The following STXBP5 variants were observed in gnomAD, a reference collection of about 807,000 sequenced individuals.
STXBP5 encodes the protein syntaxin-binding protein 5.
A neutral mutation model predicts 152.4 loss-of-function variants in STXBP5; 50 were observed. The ratio of observed to expected loss-of-function variants is 0.33; its 90% CI spans 0.26 to 0.42. STXBP5 has a LOEUF of 0.42. Ranked by LOEUF, STXBP5 falls within the 10% of genes least tolerant of loss-of-function variation. The probability of loss-of-function intolerance (pLI) is 1.00; values close to 1 mark genes in which losing one functional copy is unlikely to be tolerated. For missense variants in STXBP5, 1,167 were observed against 1,388.6 expected, an observed-to-expected ratio of 0.84 and a Z score of 2.54; for synonymous variants, 492 against 494.7, an observed-to-expected ratio of 0.99 and a Z score of 0.07.
At chr6:147,344,607 G>A (rs970724033) in intron 21 of STXBP5, among the ~76,000 whole-genome samples, 3 of 152,164 alleles carry the variant, frequency 2.0e-5, no homozygotes, top group African/African-American at 7.2e-5. Context: ...TTTCTGTGCA[G>A]AGTACAACCC....
chr6:147,323,973 C>T (rs1314939647), intron 16 of STXBP5, among the ~76,000 whole-genome samples: 1 of 152,160 alleles, frequency 6.6e-6, no homozygotes, highest in Non-Finnish European at 1.5e-5. Context: ...ACTACACACT[C>T]CTACCACTGT....
intron 9 of STXBP5, among the ~76,000 whole-genome samples, chr6:147,293,817 G>C (rs142653802): frequency 3.4e-4 from 52 of 152,264 alleles, no homozygotes; most frequent in East Asian, 2.1e-3. Context: ...TAATGAAATT[G>C]TTTATTGAAT....
chr6:147,323,739 A>G (rs1783061990), intron 16 of STXBP5, among the ~76,000 whole-genome samples: 1 of 152,098 alleles, frequency 6.6e-6, no homozygotes, highest in South Asian at 2.1e-4. Flanking sequence ...GTCTAATTTG[A>G]CCATCTGCAA....
chr6:147,245,732 A>G (rs1167526602), intron 4 of STXBP5, among the ~76,000 whole-genome samples: 1 of 152,218 alleles, frequency 6.6e-6, no homozygotes, highest in African/African-American at 2.4e-5. Context: ...TCTGGTGTCC[A>G]CATAAGAAGA....
At chr6:147,270,356 A>C (rs1445266792) in intron 7 of STXBP5, among the ~76,000 whole-genome samples, 41 of 147,802 alleles carry the variant, frequency 2.8e-4, no homozygotes, top group Non-Finnish European at 5.1e-4. Flanking sequence ...CTGAAATCAC[A>C]CCACTGCACT....
At chr6:147,232,271 G>A (rs985420150) in intron 2 of STXBP5, among the ~76,000 whole-genome samples, 5 of 151,678 alleles carry the variant, frequency 3.3e-5, no homozygotes, top group African/African-American at 1.2e-4. Context: ...ATAAATAAAT[G>A]AACAAATAAA....
At position 147,389,822 on chromosome 6, in the gene STXBP5, A is replaced by AT. The variant is rs1786508492; in HGVS notation, c.*5074dup. Reference sequence around the variant, plus strand: ...TGCAAAGAGGGTAAATCTTGTTTTAATTTTTTTAACTTTTTTTTTTTGTAA... The same window carrying AT: ...TGCAAAGAGGGTAAATCTTGTTTTAATTTTTTTTAACTTTTTTTTTTTGTAA... On this transcript the variant is annotated 3_prime_UTR_variant, in exon 28 of 28. Coordinates refer to ENST00000321680, the MANE Select transcript of STXBP5 (RefSeq NM_001127715.4). 1 of 151,096 alleles carries AT rather than the reference A, an allele frequency of 6.6e-6. No individual in the cohort carries two copies. The highest frequency in any genetic ancestry group is 1.5e-5 in the Non-Finnish European group (1 of 67,714). 9.4% of individuals were successfully genotyped at this position (151,096 alleles called of 1,614,324 possible). A position where few individuals can be genotyped will look rare whatever the true frequency, so the allele number is the denominator to read the frequency against.
intron 8 of STXBP5, among the ~76,000 whole-genome samples, chr6:147,287,444 C>A (rs1241041315): frequency 6.6e-6 from 1 of 151,808 alleles, no homozygotes; most frequent in African/African-American, 2.4e-5. Context: ...CCTCGTGATC[C>A]GCCCGCCTCG....
At position 147,250,672 on chromosome 6, in the gene STXBP5, A is replaced by G. The variant is rs887280680; in HGVS notation, c.432-9943A>G. Among the ~76,000 whole-genome samples the G allele has an allele frequency of 2.0e-5, 3 of 151,944 alleles. 1 individual carries two copies. In the South Asian group the frequency reaches 6.2e-4, roughly 32 times the overall value. ...TGCTGGGTGTGTTTGGGAGCAGATA[A>G]TTTTTTTCTTTGGTTACTCTAGGAC... is the stretch of plus-strand genomic sequence containing the variant. On this transcript the variant is annotated intron_variant, in intron 4 of 27. Coordinates refer to ENST00000321680, the MANE Select transcript of STXBP5 (RefSeq NM_001127715.4).
intron 10 of STXBP5, 72 bp from the exon 11 acceptor site, chr6:147,311,383 C>G: frequency 8.0e-7 from 1 of 1,256,002 alleles, no homozygotes; most frequent in Non-Finnish European, 1.2e-6. Context: ...TAAAATCAAG[C>G]AAGAAACATT....
At chr6:147,269,584 T>C (rs1780055848) in intron 7 of STXBP5, among the ~76,000 whole-genome samples, 1 of 151,966 alleles carries the variant, frequency 6.6e-6, no homozygotes, top group Non-Finnish European at 1.5e-5. Context: ...ATCAAAAATA[T>C]TAAAACAAGT....
intron 7 of STXBP5, among the ~76,000 whole-genome samples, chr6:147,270,375 G>A (rs1407812465): frequency 6.7e-6 from 1 of 148,662 alleles, no homozygotes; most frequent in Non-Finnish European, 1.5e-5. Context: ...CTCCACCCTG[G>A]GCGACAGAGT....
chr6:147,243,803 C>CT (rs566051621), intron 4 of STXBP5, among the ~76,000 whole-genome samples: 166 of 150,338 alleles, frequency 1.1e-3, no homozygotes, highest in Non-Finnish European at 1.6e-3. Flanking sequence ...TTTTTTAATT[C>CT]TTTTTTTTGC....
chr6:147,351,285 A>G (rs1224546296), intron 21 of STXBP5, among the ~76,000 whole-genome samples: 3 of 152,224 alleles, frequency 2.0e-5, no homozygotes, highest in African/African-American at 4.8e-5. Context: ...TTGAGAAGCA[A>G]AGGATTTAAA....
At chr6:147,294,700 A>G (rs1781435178) in intron 9 of STXBP5, among the ~76,000 whole-genome samples, 1 of 152,198 alleles carries the variant, frequency 6.6e-6, no homozygotes, top group Non-Finnish European at 1.5e-5. Context: ...AAATTTTTAG[A>G]TATCACATAT....
chr6:147,377,112 A>C (rs1056255477), intron 26 of STXBP5, among the ~76,000 whole-genome samples: 67 of 152,206 alleles, frequency 4.4e-4, no homozygotes, highest in Non-Finnish European at 1.5e-5. Context: ...CAGTTGTATC[A>C]ATACATTTCA....
At chr6:147,225,157 G>A (rs982086133) in intron 2 of STXBP5, among the ~76,000 whole-genome samples, 2 of 152,108 alleles carry the variant, frequency 1.3e-5, no homozygotes, top group Non-Finnish European at 2.9e-5. Context: ...CTTTTTTACT[G>A]TGGTAAGAAG....
chr6:147,378,491 G>T (rs2128421526), intron 26 of STXBP5, among the ~76,000 whole-genome samples: 1 of 150,112 alleles, frequency 6.7e-6, no homozygotes, highest in South Asian at 2.1e-4. Flanking sequence ...CTTAATGCAG[G>T]AACATTAAAT....
intron 9 of STXBP5, chr6:147,292,742 A>G (rs1164594654): frequency 6.6e-6 from 1 of 152,268 alleles, no homozygotes; most frequent in East Asian, 1.9e-4. Context: ...TTATTTTAAC[A>G]AATATTGACT....
Sources: gnomAD v4.1 joint callset for allele counts (sites outside exome capture counted in the v4.1 genomes callset) on GRCh38, gnomAD v4.1.1 for gene constraint, MANE v1.5 for transcripts, NCBI Gene and HGNC (gene_info 2026-07-23, HGNC 2026-07-21) for gene names.